The following EFR3B variants were observed in gnomAD, a reference collection of about 807,000 sequenced individuals.
The protein encoded by EFR3B is protein EFR3 homolog B.
In EFR3B, 64 loss-of-function variants were observed where a neutral mutation model predicts 104.7. The ratio of observed to expected loss-of-function variants is 0.61; its 90% CI spans 0.50 to 0.75. The LOEUF (loss-of-function observed/expected upper bound fraction) is 0.75. EFR3B is among the 30% of genes least tolerant of loss of function. The pLI is 0.00. For synonymous variants in EFR3B, 385 were observed against 417.9 expected, an observed-to-expected ratio of 0.92 and a Z score of 0.96; for missense variants, 750 against 1,078.5, an observed-to-expected ratio of 0.70 and a Z score of 4.27.
At chr2:25,110,421 C>T (rs1247522206) in intron 4 of EFR3B, among the ~76,000 whole-genome samples, 2 of 152,138 alleles carry the variant, frequency 1.3e-5, no homozygotes, top group African/African-American at 2.4e-5. Context: ...CCCCTAAACT[C>T]CCCTCCCAAA....
Position 25,136,431 on chromosome 2 carries a change from C to A in EFR3B, c.1485-92C>A. ...GGGAGCACTGGAGGCTTTGTACCAA[C>A]TAACAATGTTGGGGATAAAGCTCAG... On this transcript the variant is annotated intron_variant, in intron 13 of 22. Transcript: ENST00000403714. This position sits in a 1 kb window ranked among gnomAD's most constrained non-coding sequence, Gnocchi z 4.0. 1 of 1,045,718 alleles carries A rather than the reference C, an allele frequency of 9.6e-7. No homozygotes were observed. 64.8% of individuals were successfully genotyped at this position (1,045,718 alleles called of 1,614,324 possible). A position where few individuals can be genotyped will look rare whatever the true frequency, so the allele number is the denominator to read the frequency against.
At chr2:25,092,835 A>T (rs1323396847) in intron 2 of EFR3B, among the ~76,000 whole-genome samples, 168 bp from the exon 3 acceptor site, 1 of 152,208 alleles carries the variant, frequency 6.6e-6, no homozygotes, top group East Asian at 1.9e-4. Context: ...CCTATAACTA[A>T]AACTATGTTT....
At position 25,137,195 on chromosome 2, in the gene EFR3B, G is replaced by T; in HGVS notation, c.1561-146G>T. On this transcript the variant is annotated intron_variant, in intron 14 of 22. Coordinates refer to ENST00000403714, the MANE Select transcript of EFR3B (RefSeq NM_014971.2). The surrounding 1 kb of genome is among the most constrained non-coding windows in gnomAD (Gnocchi z 4.7). ...CCTGTGTGTGTCTGCTTCTGCCAGAGCCCGCTTTAAAGGCATCCCCTCCCC... is the reference window on the plus strand; with the variant it reads ...CCTGTGTGTGTCTGCTTCTGCCAGATCCCGCTTTAAAGGCATCCCCTCCCC... The T allele has an allele frequency of 1.1e-6, 1 of 872,572 alleles. No homozygotes were observed. The highest frequency in any genetic ancestry group is 1.7e-6 in the Non-Finnish European group (1 of 577,358). 54.1% of individuals were successfully genotyped at this position (872,572 alleles called of 1,614,324 possible). A position where few individuals can be genotyped will look rare whatever the true frequency, so the allele number is the denominator to read the frequency against.
At chr2:25,120,350 CA>C (rs148580237) in intron 4 of EFR3B, among the ~76,000 whole-genome samples, 12 of 145,148 alleles carry the variant, frequency 8.3e-5, no homozygotes, top group African/African-American at 2.5e-4. Context: ...GACTTCATCT[CA>C]AAAAAAAACC....
intron 1 of EFR3B, among the ~76,000 whole-genome samples, chr2:25,047,763 G>A (rs1301892893): frequency 6.6e-6 from 1 of 152,152 alleles, no homozygotes; most frequent in Non-Finnish European, 1.5e-5. Flanking sequence ...GCCTCCCAAA[G>A]TGCTGGGATT....
At chr2:25,129,512 T>C (rs530718553) in intron 6 of EFR3B, among the ~76,000 whole-genome samples, 7 of 152,274 alleles carry the variant, frequency 4.6e-5, no homozygotes, top group Admixed American at 1.3e-4. Context: ...TTGAGTATCA[T>C]TGACTCTTGC....
intron 1 of EFR3B, among the ~76,000 whole-genome samples, chr2:25,082,315 G>A (rs1668831744): frequency 6.6e-6 from 1 of 152,206 alleles, no homozygotes; most frequent in Non-Finnish European, 1.5e-5. Flanking sequence ...GGGGAGTGAG[G>A]ACAAGGCAGG....
In EFR3B at chr2:25,102,019, C is replaced by T. The variant is rs143822416; in HGVS notation, c.213-1618C>T. The stretch of plus-strand genomic sequence containing the variant: ...TACTAGTTATGTCATACTCTTGGAA[C>T]AAATTTGGAGTTTGAGCTTAGAGGT... On this transcript the variant is annotated intron_variant, in intron 3 of 22. Coordinates refer to ENST00000403714, the MANE Select transcript of EFR3B (RefSeq NM_014971.2). Among the ~76,000 whole-genome samples the T allele has an allele frequency of 3.3e-5, 5 of 152,278 alleles. No individual in the cohort carries two copies. In the East Asian group the frequency reaches 9.6e-4, roughly 29 times the overall value.
At chr2:25,055,310 T>C (rs1667988201) in intron 1 of EFR3B, among the ~76,000 whole-genome samples, 1 of 152,246 alleles carries the variant, frequency 6.6e-6, no homozygotes, top group African/African-American at 2.4e-5. Context: ...TTTTCATAGA[T>C]TTTACATAGT....
chr2:25,149,003 C>T (rs1670929773), intron 19 of EFR3B, among the ~76,000 whole-genome samples: 2 of 151,480 alleles, frequency 1.3e-5, no homozygotes, highest in Admixed American at 1.3e-4. Context: ...CTATTCACCA[C>T]CTCTCTTCCC....
At position 25,157,173 on chromosome 2, in the gene EFR3B, T is replaced by C. The variant is rs1178723321; in HGVS notation, c.*2833T>C. ...AGCTTTTCCTTTCCATCACTGCCGC[T>C]TAGCAAAAATGTGCTTCTTTTGAAG... is the stretch of plus-strand genomic sequence containing the variant. On this transcript the variant is annotated 3_prime_UTR_variant, in exon 23 of 23. Coordinates refer to ENST00000403714, the MANE Select transcript of EFR3B (RefSeq NM_014971.2). 1 of 152,264 alleles carries C rather than the reference T, an allele frequency of 6.6e-6. No individual in the cohort carries two copies. The highest frequency in any genetic ancestry group is 2.4e-5 in the African/African-American group (1 of 41,474). The allele number at this position is 152,264 out of a possible 1,614,324, so 9.4% of individuals were successfully genotyped here. A position where few individuals can be genotyped will look rare whatever the true frequency, so the allele number is the denominator to read the frequency against.
At chr2:25,084,862 T>A (rs1311544505) in intron 1 of EFR3B, among the ~76,000 whole-genome samples, 4 of 152,190 alleles carry the variant, frequency 2.6e-5, no homozygotes, top group Non-Finnish European at 5.9e-5. Flanking sequence ...TACATTTATC[T>A]CAGTGAGCAG....
At chr2:25,061,083 G>T (rs1417770020) in intron 1 of EFR3B, among the ~76,000 whole-genome samples, 1 of 151,916 alleles carries the variant, frequency 6.6e-6, no homozygotes, top group Non-Finnish European at 1.5e-5. Context: ...TTCAATGTTG[G>T]CTCCAACTCA....
chr2:25,134,299 G>A (rs1206581584), intron 12 of EFR3B, among the ~76,000 whole-genome samples: 3 of 151,870 alleles, frequency 2.0e-5, no homozygotes, highest in Non-Finnish European at 4.4e-5. Flanking sequence ...TGAGTAGCTG[G>A]GATTACAGGC....
chr2:25,081,735 G>T (rs1668814153), intron 1 of EFR3B: 1 of 456,858 alleles, frequency 2.2e-6, no homozygotes, highest in Middle Eastern at 5.6e-4. Flanking sequence ...AGCCGCACAG[G>T]CCCCTGGAAT....
intron 1 of EFR3B, among the ~76,000 whole-genome samples, chr2:25,076,077 G>A (rs187583906): frequency 6.6e-6 from 1 of 151,058 alleles, no homozygotes; most frequent in African/African-American, 2.4e-5. Context: ...TTTATGTTTA[G>A]AGATGAGGTC....
chr2:25,067,270 G>A (rs899212678), intron 1 of EFR3B, among the ~76,000 whole-genome samples: 4 of 152,106 alleles, frequency 2.6e-5, no homozygotes, highest in Non-Finnish European at 5.9e-5. Flanking sequence ...GGTGACCAGC[G>A]TTAACACTGT....
intron 4 of EFR3B, among the ~76,000 whole-genome samples, chr2:25,111,653 G>A (rs1418216541): frequency 6.6e-6 from 1 of 152,250 alleles, no homozygotes; most frequent in Non-Finnish European, 1.5e-5. Flanking sequence ...GGATAATCCA[G>A]GTGGGCCTGA....
At position 25,042,133 on chromosome 2, in the gene EFR3B, G is replaced by A; in HGVS notation, c.-180G>A. On this transcript the variant is annotated 5_prime_UTR_variant, in exon 1 of 23. It introduces an in-frame stop codon into an upstream open reading frame of the 5' UTR. Coordinates refer to ENST00000403714, the MANE Select transcript of EFR3B (RefSeq NM_014971.2). This position sits in a 1 kb window ranked among gnomAD's most constrained non-coding sequence, Gnocchi z 5.4. ...GCTGCAGCCCGGCGCTGAATGGGCT[G>A]GCGGCGCCCGGCTCCGTCCTGCCCG... 2.2e-6 allele frequency: 1 copy of A among 464,888 alleles called. No individual in the cohort carries two copies. The highest frequency in any genetic ancestry group is 3.3e-6 in the Non-Finnish European group (1 of 305,532). 28.8% of individuals were successfully genotyped at this position (464,888 alleles called of 1,614,324 possible). A position where few individuals can be genotyped will look rare whatever the true frequency, so the allele number is the denominator to read the frequency against.
Sources: allele counts gnomAD v4.1 joint callset (sites outside exome capture counted in the v4.1 genomes callset), GRCh38; gene constraint gnomAD v4.1.1; non-coding constraint Gnocchi (gnomAD v3.1); transcripts MANE v1.5; gene names NCBI Gene and HGNC (gene_info 2026-07-23, HGNC 2026-07-21).